The following CHODL variants were observed in gnomAD, a reference collection of about 807,000 sequenced individuals.
The protein encoded by CHODL is transmembrane protein MT75.
A neutral mutation model predicts 34.5 loss-of-function variants in CHODL; 29 were observed. The ratio of observed to expected loss-of-function variants is 0.84; its 90% CI spans 0.63 to 1.15. The LOEUF (loss-of-function observed/expected upper bound fraction) is 1.15, where lower values mean the gene tolerates loss of function less well. Ranked by LOEUF, CHODL falls within the 50% of genes most tolerant of loss-of-function variation. CHODL has a pLI of 0.00. For synonymous variants in CHODL, 125 were observed against 116.1 expected (o/e 1.08, Z -0.49); for missense variants, 332 against 332.5 (o/e 1.00, Z 0.01).
chr21:18,237,630 A>G (rs530270620), intron 2 of CHODL, among the ~76,000 whole-genome samples: 1 of 152,272 alleles, frequency 6.6e-6, no homozygotes, highest in Non-Finnish European at 1.5e-5. Context: ...TAGAGAGTAG[A>G]CAGGGGAAAA....
chr21:18,041,180 C>T (rs1322539414), intron 2 of CHODL, among the ~76,000 whole-genome samples: 1 of 151,772 alleles, frequency 6.6e-6, no homozygotes, highest in Non-Finnish European at 1.5e-5. Flanking sequence ...CATTTGTTAT[C>T]GGTGTTATTG....
intron 2 of CHODL, chr21:18,100,167 A>G (rs1457627313): frequency 1.3e-5 from 2 of 152,208 alleles, no homozygotes; most frequent in Non-Finnish European, 2.9e-5. Flanking sequence ...CATAGTTTAA[A>G]TAAAGTGAAG....
At chr21:17,991,979 C>A (rs1262265338) in intron 1 of CHODL, among the ~76,000 whole-genome samples, 3 of 152,070 alleles carry the variant, frequency 2.0e-5, no homozygotes, top group Non-Finnish European at 4.4e-5. Context: ...AGCATTTAAT[C>A]CATTTTCAGT....
At chr21:17,953,376 A>C (rs1325963939) in intron 1 of CHODL, among the ~76,000 whole-genome samples, 1 of 152,144 alleles carries the variant, frequency 6.6e-6, no homozygotes, top group East Asian at 1.9e-4. Context: ...CTGAGGCAAG[A>C]GTATTGCCCA....
rs1381381014 is a variant in CHODL, at chr21:18,266,803, A to ACTTT, written c.*766_*769dup. On this transcript the variant is annotated 3_prime_UTR_variant, in exon 6 of 6. Transcript: ENST00000299295. Reference sequence around the variant, plus strand: ...ATTAAACAGATTTTGTAATAATGTAACTTTGTTAATAGGTGCATAAACACT... The same window carrying ACTTT: ...ATTAAACAGATTTTGTAATAATGTAACTTTCTTTGTTAATAGGTGCATAAACACT... 1.3e-5 allele frequency: 2 copies of ACTTT among 152,774 alleles called. No individual in the cohort carries two copies. The highest frequency in any genetic ancestry group is 4.8e-5 in the African/African-American group (2 of 41,448). The allele number at this position is 152,774 out of a possible 1,614,324, so 9.5% of individuals were successfully genotyped here.
In CHODL at chr21:18,076,171, T is replaced by C. The variant is rs116268713; in HGVS notation, c.-45+48200T>C. Among the ~76,000 whole-genome samples the C allele has an allele frequency of 8.1e-3, 1,233 of 152,280 alleles. 22 individuals carry two copies. Among genetic ancestry groups the C allele is most frequent in the African/African-American group, 0.028 (1,171 of 41,534 alleles). On this transcript the variant is annotated intron_variant, in intron 2 of 6. Coordinates refer to the CHODL transcript ENST00000400127. ...AAATACCTAAAAATGTGGAAGTGGC[T>C]TTGGAATAGGATAATGGATAGAGAT...
intron 2 of CHODL, among the ~76,000 whole-genome samples, chr21:18,073,227 T>A (rs1310962934): frequency 2.0e-5 from 3 of 152,112 alleles, no homozygotes; most frequent in Non-Finnish European, 4.4e-5. Context: ...GAATACAAGG[T>A]TAGTACTAGC....
intron 2 of CHODL, among the ~76,000 whole-genome samples, chr21:18,233,253 A>G (rs779689190): frequency 1.6e-4 from 25 of 151,958 alleles, no homozygotes; most frequent in African/African-American, 5.6e-4. Context: ...TATTTCATTC[A>G]TCATAAAGAA....
intron 2 of CHODL, among the ~76,000 whole-genome samples, chr21:18,030,310 G>A (rs1237045517): frequency 1.3e-5 from 2 of 152,188 alleles, no homozygotes; most frequent in African/African-American, 4.8e-5. Flanking sequence ...GCCAGTCCAT[G>A]TCTGGACAAC....
intron 1 of CHODL, among the ~76,000 whole-genome samples, chr21:17,967,386 C>T (rs1163150515): frequency 6.6e-6 from 1 of 152,078 alleles, no homozygotes; most frequent in Non-Finnish European, 1.5e-5. Flanking sequence ...TACTTAAAAA[C>T]ACATTCTTTT....
intron 1 of CHODL, among the ~76,000 whole-genome samples, chr21:17,931,625 G>A (rs1224659591): frequency 6.6e-6 from 1 of 152,038 alleles, no homozygotes; most frequent in African/African-American, 2.4e-5. Flanking sequence ...AGGTCCAAGA[G>A]AAAGTTGAAA....
intron 2 of CHODL, among the ~76,000 whole-genome samples, chr21:18,051,872 T>C (rs893880150): frequency 2.0e-5 from 3 of 151,932 alleles, no homozygotes; most frequent in Non-Finnish European, 4.4e-5. Context: ...TTATATAAGT[T>C]TTTCTTATTT....
chr21:18,047,268 C>T (rs2064455695), intron 2 of CHODL, among the ~76,000 whole-genome samples: 2 of 151,862 alleles, frequency 1.3e-5, no homozygotes, highest in South Asian at 4.2e-4. Context: ...ATTAACTGCA[C>T]TGCTTTGAAG....
chr21:18,010,297 C>CAAAAA (rs71189576), intron 1 of CHODL, among the ~76,000 whole-genome samples: 72 of 38,252 alleles, frequency 1.9e-3, no homozygotes, highest in African/African-American at 4.6e-3. Flanking sequence ...ACTCCCGTCT[C>CAAAAA]AAAAAAAAAA....
Position 18,266,162 on chromosome 21 carries a change from T to C in CHODL, c.*124T>C, listed in dbSNP as rs1173825742. ...TGCAAGATGAACTGTAAGCTCCCCC[T>C]TGAGGCAAATATTAAAGTAATTTTT... On this transcript the variant is annotated 3_prime_UTR_variant, in exon 6 of 6. Transcript: ENST00000299295. 4.4e-6 allele frequency: 7 copies of C among 1,573,040 alleles called. No individual in the cohort carries two copies. Among genetic ancestry groups the C allele is most frequent in the Non-Finnish European group, 6.0e-6 (7 of 1,157,350 alleles).
At chr21:18,034,935 T>G (rs1034983767) in intron 2 of CHODL, among the ~76,000 whole-genome samples, 7 of 151,914 alleles carry the variant, frequency 4.6e-5, no homozygotes, top group Non-Finnish European at 8.8e-5. Flanking sequence ...CCACAGTAGG[T>G]CATCTCAGAT....
At chr21:17,959,066 A>T (rs997315535) in intron 1 of CHODL, among the ~76,000 whole-genome samples, 3 of 152,124 alleles carry the variant, frequency 2.0e-5, no homozygotes, top group Admixed American at 6.6e-5. Flanking sequence ...CCCCGCTAAA[A>T]GGAAATAAGG....
chr21:17,977,211 A>C (rs573130595), intron 1 of CHODL, among the ~76,000 whole-genome samples: 2 of 152,212 alleles, frequency 1.3e-5, no homozygotes, highest in Non-Finnish European at 1.5e-5. Context: ...GGAATTTCTC[A>C]TGTTGTTTGC....
chr21:17,952,623 T>G (rs1308047369), intron 1 of CHODL, among the ~76,000 whole-genome samples: 1 of 152,134 alleles, frequency 6.6e-6, no homozygotes. Flanking sequence ...GATATAAACT[T>G]GAACCTAGAG....
Sources: gnomAD v4.1 joint callset for allele counts (sites outside exome capture counted in the v4.1 genomes callset) on GRCh38, gnomAD v4.1.1 for gene constraint, MANE v1.5 for transcripts, NCBI Gene and HGNC (gene_info 2026-07-23, HGNC 2026-07-21) for gene names.